Variants in PCDHGB3 observed in about 807,000 individuals in gnomAD.
PCDHGB3 encodes the protein protocadherin gamma subfamily B, 3, also known as protocadherin gamma-B3.
Under a neutral mutation model 59.2 loss-of-function variants are expected in PCDHGB3, and 40 were observed. The ratio of observed to expected loss-of-function variants is 0.68; its 90% CI spans 0.52 to 0.88. The LOEUF is 0.88. Ranked by LOEUF, PCDHGB3 falls within the 40% of genes least tolerant of loss-of-function variation. PCDHGB3 has a pLI of 0.00. For synonymous variants in PCDHGB3, 581 were observed against 503.6 expected (o/e 1.15, Z -2.06); for missense variants, 1,309 against 1,187.9 (o/e 1.10, Z -1.50).
chr5:141,475,852 G>A, intron 1 of PCDHGB3: 1 of 467,402 alleles, frequency 2.1e-6, no homozygotes, highest in East Asian at 3.7e-5. Context: ...AGAGCCCGGC[G>A]CTAGCTCATT....
At chr5:141,452,490 C>A (rs2098742307) in intron 1 of PCDHGB3, among the ~76,000 whole-genome samples, 1 of 152,188 alleles carries the variant, frequency 6.6e-6, no homozygotes, top group East Asian at 1.9e-4. Flanking sequence ...TAAACACACC[C>A]ATATTTATAT....
At chr5:141,499,057 A>G (rs1361057448) in intron 2 of PCDHGB3, among the ~76,000 whole-genome samples, 1 of 152,036 alleles carries the variant, frequency 6.6e-6, no homozygotes, top group Non-Finnish European at 1.5e-5. Flanking sequence ...GAAAAAATGA[A>G]GAAGACTTAC....
chr5:141,374,400 T>A (rs1389485133), intron 1 of PCDHGB3: 2 of 1,613,908 alleles, frequency 1.2e-6, no homozygotes, highest in Non-Finnish European at 1.7e-6. Flanking sequence ...CTGGTGAGTT[T>A]TAACATCCTT....
chr5:141,431,554 C>G lies in PCDHGB3; in HGVS notation c.2415+58745C>G. 1 of 1,614,126 alleles carries G rather than the reference C, an allele frequency of 6.2e-7. No homozygotes were observed. The highest frequency in any genetic ancestry group is 1.7e-5 in the Admixed American group (1 of 60,032). ...TGGGCACGCAGCTGCTTGTAGTCAA[C>G]GCTACCGACCCTGACGAAGGAGTCA... is the stretch of plus-strand genomic sequence containing the variant. On this transcript the variant is annotated intron_variant, in intron 1 of 3. Coordinates refer to ENST00000576222, the MANE Select transcript of PCDHGB3 (RefSeq NM_018924.5). This position sits in a 1 kb window ranked among gnomAD's most constrained non-coding sequence, Gnocchi z 4.8.
At position 141,383,693 on chromosome 5, in the gene PCDHGB3, A is replaced by G. The variant is rs771447649; in HGVS notation, c.2415+10884A>G. 6 of 1,613,930 alleles carry G rather than the reference A, an allele frequency of 3.7e-6. No individual in the cohort carries two copies. The African/African-American group carries it at 4.0e-5, about 11-fold the overall frequency. On this transcript the variant is annotated intron_variant, in intron 1 of 3. Coordinates refer to ENST00000576222, the MANE Select transcript of PCDHGB3 (RefSeq NM_018924.5). Reference sequence around the variant, plus strand: ...GTGGGTACAAGACTGCTCACGGTACATGCTATCGACCTGGACGAGGGAGTC... The same window carrying G: ...GTGGGTACAAGACTGCTCACGGTACGTGCTATCGACCTGGACGAGGGAGTC...
intron 1 of PCDHGB3, among the ~76,000 whole-genome samples, chr5:141,426,005 G>A (rs189148799): frequency 4.1e-4 from 63 of 152,202 alleles, no homozygotes; most frequent in Admixed American, 2.1e-3. Flanking sequence ...AAAGGCTTCC[G>A]GCTGCAGTTT....
In PCDHGB3 at chr5:141,477,605, T is replaced by A. The variant is rs1339408637; in HGVS notation, c.2416-17202T>A. On this transcript the variant is annotated intron_variant, in intron 1 of 3. Transcript: ENST00000576222. This position sits in a 1 kb window ranked among gnomAD's most constrained non-coding sequence, Gnocchi z 4.9. ...GAATGCTCGGCTTTCTTTCTTTCTCTTGGAGCAAGGAGCTGAAACCGGGCT... is the reference window on the plus strand; with the variant it reads ...GAATGCTCGGCTTTCTTTCTTTCTCATGGAGCAAGGAGCTGAAACCGGGCT... The A allele has an allele frequency of 6.2e-6, 10 of 1,614,102 alleles. No individual in the cohort carries two copies. In the South Asian group the frequency reaches 1.1e-4, roughly 18 times the overall value.
At chr5:141,434,199 T>G (rs1406339464) in intron 1 of PCDHGB3, among the ~76,000 whole-genome samples, 1 of 151,914 alleles carries the variant, frequency 6.6e-6, no homozygotes, top group Non-Finnish European at 1.5e-5. Context: ...CCAATGTACT[T>G]ACTTCTGTCA....
At position 141,432,993 on chromosome 5, in the gene PCDHGB3, G is replaced by C. The variant is rs749499789; in HGVS notation, c.2415+60184G>C. 7 of 1,614,208 alleles carry C rather than the reference G, an allele frequency of 4.3e-6. No homozygotes were observed. In the South Asian group the frequency reaches 7.7e-5, roughly 18 times the overall value. On this transcript the variant is annotated intron_variant, in intron 1 of 3. Transcript: ENST00000576222. This position sits in a 1 kb window ranked among gnomAD's most constrained non-coding sequence, Gnocchi z 6.0. ...GCGTCGCACTTTGTGGGCGTGGACG[G>C]GGTGCAGGCTTTCCTGCAGACCTAT...
chr5:141,486,578 C>A lies in PCDHGB3; in HGVS notation c.2416-8229C>A, dbSNP rs780578882. 5 of 1,613,610 alleles carry A rather than the reference C, an allele frequency of 3.1e-6. No homozygotes were observed. In the Admixed American group the frequency reaches 6.7e-5, roughly 22 times the overall value. On this transcript the variant is annotated intron_variant, in intron 1 of 3. Coordinates refer to ENST00000576222, the MANE Select transcript of PCDHGB3 (RefSeq NM_018924.5). The surrounding 1 kb of genome is among the most constrained non-coding windows in gnomAD (Gnocchi z 5.0). Reference sequence around the variant, plus strand: ...TGAGGTGTTTGTTCCTGAGAACAATCGCCCAGGGGACCTGCTTTGCTCCCT... The same window carrying A: ...TGAGGTGTTTGTTCCTGAGAACAATAGCCCAGGGGACCTGCTTTGCTCCCT...
chr5:141,393,220 A>G (rs2092705422), intron 1 of PCDHGB3: 15 of 1,613,684 alleles, frequency 9.3e-6, no homozygotes, highest in Non-Finnish European at 1.3e-5. Context: ...TTCCAGGTCG[A>G]AGATCTAGAA....
chr5:141,394,087 C>T, intron 1 of PCDHGB3: 2 of 1,613,888 alleles, frequency 1.2e-6, no homozygotes, highest in Non-Finnish European at 1.7e-6. Context: ...GTGATGGCCT[C>T]AGATCTAGGA....
chr5:141,392,548 T>C (rs1252345592), intron 1 of PCDHGB3: 1 of 344,860 alleles, frequency 2.9e-6, no homozygotes, highest in African/African-American at 2.1e-5. Context: ...AAGTAATCTG[T>C]ATCTCAGTGC....
intron 1 of PCDHGB3, chr5:141,399,816 G>A: frequency 1.2e-6 from 2 of 1,613,196 alleles, no homozygotes; most frequent in Non-Finnish European, 1.7e-6. Context: ...ACCCCGCGCT[G>A]GGTCCCGACG....
At chr5:141,430,179 A>G (rs2097264770) in intron 1 of PCDHGB3, among the ~76,000 whole-genome samples, 1 of 152,158 alleles carries the variant, frequency 6.6e-6, no homozygotes, top group Admixed American at 6.5e-5. Flanking sequence ...ATTTTCCCCA[A>G]ATTATAGCTG....
chr5:141,389,612 G>A, intron 1 of PCDHGB3: 1 of 1,613,040 alleles, frequency 6.2e-7, no homozygotes, highest in Non-Finnish European at 8.5e-7. Flanking sequence ...TCGATATGGT[G>A]CCGCACGCTG....
chr5:141,435,745 A>T (rs2097777848), intron 1 of PCDHGB3, among the ~76,000 whole-genome samples: 1 of 152,184 alleles, frequency 6.6e-6, no homozygotes, highest in African/African-American at 2.4e-5. Context: ...TTTGAAAAGC[A>T]TTGCTTGATT....
chr5:141,418,681 C>T (rs778899235), intron 1 of PCDHGB3: 2 of 1,614,052 alleles, frequency 1.2e-6, no homozygotes, highest in Non-Finnish European at 1.7e-6. Flanking sequence ...AGGGCATCAA[C>T]TCAGAGATCA....
intron 1 of PCDHGB3, among the ~76,000 whole-genome samples, chr5:141,447,640 G>A (rs184184100): frequency 6.6e-6 from 1 of 152,198 alleles, no homozygotes; most frequent in Admixed American, 6.5e-5. Flanking sequence ...TATGAATGAT[G>A]GTAGAATTTT....
Sources: gnomAD v4.1 joint callset for allele counts (sites outside exome capture counted in the v4.1 genomes callset) on GRCh38, gnomAD v4.1.1 for gene constraint, Gnocchi (gnomAD v3.1) non-coding constraint, MANE v1.5 for transcripts, NCBI Gene and HGNC (gene_info 2026-07-23, HGNC 2026-07-21) for gene names.